C2orf92: variants seen among roughly 807,000 people sequenced by gnomAD.
The protein encoded by C2orf92 is uncharacterized protein C2orf92.
At chr2:97,674,835 A>AG (rs1675525012) in intron 2 of C2orf92, among the ~76,000 whole-genome samples, 1 of 152,206 alleles carries the variant, frequency 6.6e-6, no homozygotes, top group African/African-American at 2.4e-5. Context: ...GGCTGTGCAG[A>AG]GGACAGAAAC....
intron 5 of C2orf92, among the ~76,000 whole-genome samples, chr2:97,691,913 G>A (rs1177830695): frequency 1.3e-5 from 2 of 152,140 alleles, no homozygotes; most frequent in African/African-American, 2.4e-5. Flanking sequence ...GAGCCACCGC[G>A]CCTGAAAATA....
At position 97,675,860 on chromosome 2, in the gene C2orf92, A is replaced by C; in HGVS notation, c.164A>C (p.Lys55Thr). 2.5e-6 allele frequency: 1 copy of C among 399,114 alleles called. No homozygotes were observed. Among genetic ancestry groups the C allele is most frequent in the Non-Finnish European group, 4.4e-6 (1 of 226,072 alleles). The allele number at this position is 399,114 out of a possible 1,614,324, so 24.7% of individuals were successfully genotyped here. Residue 55 changes from lysine to threonine, a missense_variant, in exon 3 of 8, where the codon AAG becomes ACG. Transcript: ENST00000627399. ...TTTCCCTTAGGCTATTCCCAACAGAAGAGCTTGAACAATGCTGCATTTGCA... is the reference window on the plus strand; with the variant it reads ...TTTCCCTTAGGCTATTCCCAACAGACGAGCTTGAACAATGCTGCATTTGCA... The part of the protein sequence containing the change: ...RDTQKSYSQQ[K>T]SLNNAAFASG...
intron 1 of C2orf92, 56 bp downstream of exon 1, chr2:97,669,890 G>T: frequency 2.5e-6 from 1 of 398,574 alleles, no homozygotes; most frequent in South Asian, 1.3e-4. Flanking sequence ...GCCTAAGTGG[G>T]GCAGAGGAGG....
chr2:97,676,325 T>A (rs907637147), intron 3 of C2orf92, among the ~76,000 whole-genome samples: 5 of 149,870 alleles, frequency 3.3e-5, no homozygotes, highest in African/African-American at 1.2e-4. Context: ...TCCCAGCTAC[T>A]CGGGAGGTTG....
chr2:97,687,847 G>A (rs1171220342), intron 3 of C2orf92, among the ~76,000 whole-genome samples: 1 of 150,468 alleles, frequency 6.6e-6, no homozygotes, highest in Non-Finnish European at 1.5e-5. Context: ...GACCAGGAGG[G>A]GATGCATGAG....
chr2:97,693,385 T>G (rs1008727420), intron 5 of C2orf92, among the ~76,000 whole-genome samples: 1 of 152,160 alleles, frequency 6.6e-6, no homozygotes, highest in African/African-American at 2.4e-5. Context: ...TATCTTTAAT[T>G]TTTTGAGGAA....
intron 4 of C2orf92, 135 bp from the exon 5 acceptor site, chr2:97,690,119 ACT>A (rs948137585): frequency 1.1e-5 from 4 of 348,940 alleles, no homozygotes; most frequent in African/African-American, 2.1e-5. Flanking sequence ...TGACTGCGAG[ACT>A]CTGTCTCAAA....
intron 5 of C2orf92, among the ~76,000 whole-genome samples, chr2:97,692,621 G>A (rs1338463347): frequency 1.3e-5 from 2 of 151,976 alleles, no homozygotes; most frequent in African/African-American, 2.4e-5. Context: ...TGTTGGCCAG[G>A]CTGGCCTCCA....
Position 97,671,437 on chromosome 2 carries a change from G to A in C2orf92, c.46+1603G>A, listed in dbSNP as rs535407665. 147 of 398,582 alleles carry A rather than the reference G, an allele frequency of 3.7e-4. 1 individual carries two copies. Among genetic ancestry groups the A allele is most frequent in the African/African-American group, 2.4e-3 (119 of 48,726 alleles). 24.7% of individuals were successfully genotyped at this position (398,582 alleles called of 1,614,324 possible). On this transcript the variant is annotated intron_variant, in intron 1 of 7. Coordinates refer to ENST00000627399, the MANE Select transcript of C2orf92 (RefSeq NM_001351368.2). ...GCTGGGATTAAAGACGTGAGCCACG[G>A]CACCTGGCCTGAATTTTCCTCAAAT... is the stretch of plus-strand genomic sequence containing the variant.
intron 3 of C2orf92, among the ~76,000 whole-genome samples, chr2:97,686,803 T>C (rs1354422419): frequency 1.3e-5 from 2 of 150,148 alleles, no homozygotes. Context: ...TTGCTTGAGG[T>C]CAGAAGTTCA....
intron 3 of C2orf92, among the ~76,000 whole-genome samples, chr2:97,685,830 T>G (rs923531079): frequency 6.6e-6 from 1 of 152,220 alleles, no homozygotes; most frequent in Non-Finnish European, 1.5e-5. Context: ...CCCAAAGTGC[T>G]GGGATTACAG....
At chr2:97,682,072 C>T (rs1232723433) in intron 3 of C2orf92, among the ~76,000 whole-genome samples, 1 of 152,014 alleles carries the variant, frequency 6.6e-6, no homozygotes, top group Non-Finnish European at 1.5e-5. Flanking sequence ...AAACTTCTAG[C>T]TAGATAGGTG....
At chr2:97,666,114 A>G (rs1208481816), upstream of C2orf92, among the ~76,000 whole-genome samples, 1 of 151,988 alleles carries the variant, frequency 6.6e-6, no homozygotes, top group East Asian at 1.9e-4. Flanking sequence ...TTGTTAGGCA[A>G]TATTGGAGCA....
chr2:97,698,129 C>G (rs1303315592), intron 5 of C2orf92: 1 of 152,200 alleles, frequency 6.6e-6, no homozygotes, highest in Admixed American at 6.5e-5. Flanking sequence ...ACTTCTCATC[C>G]TTTCCCATTC....
At chr2:97,700,659 C>T (rs1230160684) in intron 6 of C2orf92, among the ~76,000 whole-genome samples, 1 of 152,136 alleles carries the variant, frequency 6.6e-6, no homozygotes, top group Non-Finnish European at 1.5e-5. Context: ...CATATGAATG[C>T]ATTTCCCCAA....
chr2:97,676,046 C>A, intron 3 of C2orf92, 118 bp downstream of exon 3: 1 of 397,956 alleles, frequency 2.5e-6, no homozygotes, highest in South Asian at 1.4e-4. Flanking sequence ...AGTGCTTTGC[C>A]TTGAGGCTAG....
At chr2:97,687,678 CT>C (rs1217835424) in intron 3 of C2orf92, among the ~76,000 whole-genome samples, 2 of 150,796 alleles carry the variant, frequency 1.3e-5, no homozygotes, top group Non-Finnish European at 2.9e-5. Flanking sequence ...AGAGCGATGC[CT>C]GTTCATTCCT....
chr2:97,683,655 G>A (rs1204680839), intron 3 of C2orf92, among the ~76,000 whole-genome samples: 3 of 151,296 alleles, frequency 2.0e-5, no homozygotes, highest in African/African-American at 4.9e-5. Context: ...CGTAAGATTC[G>A]TATGGAATTT....
At chr2:97,684,456 T>G (rs1675888105) in intron 3 of C2orf92, among the ~76,000 whole-genome samples, 1 of 152,198 alleles carries the variant, frequency 6.6e-6, no homozygotes, top group Non-Finnish European at 1.5e-5. Flanking sequence ...CTCATTACCT[T>G]ATACCATATA....
Sources: allele counts gnomAD v4.1 joint callset (sites outside exome capture counted in the v4.1 genomes callset), GRCh38; gene constraint gnomAD v4.1.1; transcripts MANE v1.5; gene names NCBI Gene and HGNC (gene_info 2026-07-23, HGNC 2026-07-21).